Variants in ERBB4 observed in about 807,000 individuals in gnomAD.
The protein encoded by ERBB4 is receptor tyrosine-protein kinase erbB-4.
In ERBB4, 42 loss-of-function variants were observed where a neutral mutation model predicts 158.0. The observed-to-expected ratio is 0.27, with a 90% confidence interval of 0.21 to 0.34. The LOEUF is 0.34. ERBB4 is among the 10% of genes least tolerant of loss of function. The probability of loss-of-function intolerance (pLI) is 1.00; values close to 1 mark genes in which losing one functional copy is unlikely to be tolerated. For missense variants in ERBB4, 1,333 were observed against 1,624.1 expected (o/e 0.82, Z 3.08); for synonymous variants, 583 against 558.7 (o/e 1.04, Z -0.61).
intron 2 of ERBB4, among the ~76,000 whole-genome samples, chr2:212,091,599 T>C (rs2078779386): frequency 6.6e-6 from 1 of 152,032 alleles, no homozygotes; most frequent in African/African-American, 2.4e-5. Context: ...ATTAGACTGA[T>C]GGAAAGGAAC....
In ERBB4 at chr2:212,101,758, C is replaced by T. The variant is rs185796174; in HGVS notation, c.234+22994G>A. Among the ~76,000 whole-genome samples the T allele has an allele frequency of 8.6e-4, 131 of 151,932 alleles. 1 individual carries two copies. The highest frequency in any genetic ancestry group is 2.9e-3 in the African/African-American group (122 of 41,474). ...TTTCCTTAAGAAAAAAAAATTACTTCTACATAGTCTTTCAATAAATATATT... is the reference window on the plus strand; with the variant it reads ...TTTCCTTAAGAAAAAAAAATTACTTTTACATAGTCTTTCAATAAATATATT... On this transcript the variant is annotated intron_variant, in intron 2 of 27. Coordinates refer to ENST00000342788, the MANE Select transcript of ERBB4 (RefSeq NM_005235.3).
chr2:211,385,873 A>G lies in ERBB4; in HGVS notation c.3481+980T>C, dbSNP rs1477949423. Reference sequence around the variant, plus strand: ...TCTGCCAAGTCTTCACAACGTCTACATTTGTGTCATTACTAGGCTACTATG... The same window carrying G: ...TCTGCCAAGTCTTCACAACGTCTACGTTTGTGTCATTACTAGGCTACTATG... On this transcript the variant is annotated intron_variant, in intron 27 of 27. Coordinates refer to ENST00000342788, the MANE Select transcript of ERBB4 (RefSeq NM_005235.3). Among the ~76,000 whole-genome samples the G allele has an allele frequency of 2.0e-5, 3 of 152,152 alleles. 1 individual carries two copies. Among genetic ancestry groups the G allele is most frequent in the Non-Finnish European group, 1.5e-5 (1 of 68,012 alleles).
intron 1 of ERBB4, among the ~76,000 whole-genome samples, chr2:212,160,223 G>T (rs2081163202): frequency 6.6e-6 from 1 of 151,930 alleles, no homozygotes; most frequent in Admixed American, 6.6e-5. Context: ...AAGGAACCCT[G>T]GATTGGATGC....
intron 1 of ERBB4, among the ~76,000 whole-genome samples, chr2:212,152,820 A>G (rs1273850267): frequency 6.6e-6 from 1 of 152,208 alleles, no homozygotes; most frequent in Admixed American, 6.6e-5. Context: ...GACCACCAAT[A>G]GCACTTAGCT....
intron 5 of ERBB4, among the ~76,000 whole-genome samples, chr2:211,734,899 G>A (rs1220525736): frequency 1.8e-5 from 2 of 110,264 alleles, no homozygotes. Flanking sequence ...GGCGACAAGC[G>A]AGACTCTGTC....
chr2:212,113,428 G>T (rs2079475980), intron 2 of ERBB4, among the ~76,000 whole-genome samples: 1 of 151,672 alleles, frequency 6.6e-6, no homozygotes, highest in Admixed American at 6.6e-5. Flanking sequence ...CAAAAAATTA[G>T]CTGGGTGTGG....
chr2:211,665,615 G>A (rs1302235609), intron 14 of ERBB4, 138 bp from the exon 15 acceptor site: 5 of 792,766 alleles, frequency 6.3e-6, no homozygotes, highest in Non-Finnish European at 1.1e-5. Flanking sequence ...ATTTTCAGCA[G>A]TGCAAATGTG....
chr2:211,873,965 T>A (rs1270231678), intron 3 of ERBB4, among the ~76,000 whole-genome samples: 1 of 152,104 alleles, frequency 6.6e-6, no homozygotes. Context: ...TCTTCCAAAG[T>A]CATTAAGATT....
chr2:211,718,738 A>C (rs540913609), intron 7 of ERBB4, among the ~76,000 whole-genome samples: 1 of 152,316 alleles, frequency 6.6e-6, no homozygotes, highest in East Asian at 1.9e-4. Flanking sequence ...AAAAAAAAAA[A>C]ACATGGTATA....
At chr2:211,973,267 T>G (rs960071646) in intron 2 of ERBB4, among the ~76,000 whole-genome samples, 13 of 151,352 alleles carry the variant, frequency 8.6e-5, no homozygotes, top group African/African-American at 3.2e-4. Context: ...AGTGGCGGGA[T>G]CTCAGCTCAC....
chr2:211,957,060 C>G (rs2081054644), intron 2 of ERBB4, among the ~76,000 whole-genome samples: 1 of 151,954 alleles, frequency 6.6e-6, no homozygotes, highest in African/African-American at 2.4e-5. Flanking sequence ...GAACTCCTCG[C>G]CTCAAGCAAT....
intron 1 of ERBB4, among the ~76,000 whole-genome samples, chr2:212,398,810 T>C (rs2091104835): frequency 1.3e-5 from 2 of 152,208 alleles, no homozygotes; most frequent in African/African-American, 4.8e-5. Flanking sequence ...AACTCATTGA[T>C]TCTTATTCAA....
At chr2:211,778,103 A>G (rs926208130) in intron 4 of ERBB4, among the ~76,000 whole-genome samples, 1 of 152,152 alleles carries the variant, frequency 6.6e-6, no homozygotes, top group African/African-American at 2.4e-5. Context: ...TTGGGGGAAA[A>G]AGGCAGGAGA....
chr2:212,211,354 T>C (rs1333383631), intron 1 of ERBB4, among the ~76,000 whole-genome samples: 3 of 152,104 alleles, frequency 2.0e-5, no homozygotes, highest in African/African-American at 7.2e-5. Context: ...AGGCTTCTGA[T>C]AACATCCTAC....
chr2:211,475,802 A>G (rs1330059224), intron 20 of ERBB4, among the ~76,000 whole-genome samples: 1 of 152,096 alleles, frequency 6.6e-6, no homozygotes, highest in Non-Finnish European at 1.5e-5. Context: ...ATTAAGTGAA[A>G]TTTATTTATG....
intron 4 of ERBB4, among the ~76,000 whole-genome samples, chr2:211,763,825 G>A (rs570974296): frequency 1.6e-4 from 24 of 151,616 alleles, no homozygotes; most frequent in African/African-American, 5.1e-4. Flanking sequence ...AAGACTCATC[G>A]TATGTTACTA....
intron 1 of ERBB4, among the ~76,000 whole-genome samples, chr2:212,211,073 C>T (rs982458100): frequency 1.3e-5 from 2 of 152,062 alleles, no homozygotes; most frequent in Non-Finnish European, 2.9e-5. Context: ...CTTGGTTTTT[C>T]TCTTAGTCCC....
At chr2:212,311,025 G>A (rs2087022035) in intron 1 of ERBB4, among the ~76,000 whole-genome samples, 1 of 150,584 alleles carries the variant, frequency 6.6e-6, no homozygotes, top group South Asian at 2.1e-4. Flanking sequence ...TCAAGTGCTC[G>A]ATAGTCACAG....
intron 1 of ERBB4, among the ~76,000 whole-genome samples, chr2:212,460,638 C>A (rs1278398697): frequency 2.6e-5 from 4 of 152,126 alleles, no homozygotes; most frequent in African/African-American, 9.7e-5. Flanking sequence ...CATTTCTAAG[C>A]AGCAAAGCCT....
Sources: gnomAD v4.1 joint callset for allele counts (sites outside exome capture counted in the v4.1 genomes callset) on GRCh38, gnomAD v4.1.1 for gene constraint, MANE v1.5 for transcripts, NCBI Gene and HGNC (gene_info 2026-07-23, HGNC 2026-07-21) for gene names.